Variants in KLHL22 observed in about 807,000 individuals in gnomAD.
The protein encoded by KLHL22 is kelch like family member 22.
KLHL22 carries 18 observed loss-of-function variants against 60.7 expected under a neutral mutation model. The observed-to-expected ratio is 0.30, with a 90% CI of 0.20 to 0.44. The LOEUF (loss-of-function observed/expected upper bound fraction) is 0.44, where lower values mean the gene tolerates loss of function less well. Ranked by LOEUF, KLHL22 falls within the 20% of genes least tolerant of loss-of-function variation. KLHL22 has a pLI of 1.00. For missense variants in KLHL22, 596 were observed against 852.3 expected (o/e 0.70, Z 3.74); for synonymous variants, 355 against 354.5 (o/e 1.00, Z -0.01).
chr22:20,491,723 T>G (rs747206601), intron 1 of KLHL22: 7 of 152,096 alleles, frequency 4.6e-5, no homozygotes, highest in African/African-American at 1.4e-4. Context: ...AAATGAAAAA[T>G]ATATGCTGAT....
At chr22:20,483,723 A>T in intron 2 of KLHL22, 1 of 736,328 alleles carries the variant, frequency 1.4e-6, no homozygotes, top group South Asian at 1.3e-5. Flanking sequence ...TCTTGAAGTA[A>T]TGCCTCCAGT....
At chr22:20,478,506 T>TTC in intron 2 of KLHL22, among the ~76,000 whole-genome samples, 1 of 129,914 alleles carries the variant, frequency 7.7e-6, no homozygotes, top group African/African-American at 3.1e-5. Flanking sequence ...CCAAACTTAA[T>TTC]TCTTTTTTTT....
intron 6 of KLHL22, among the ~76,000 whole-genome samples, chr22:20,443,508 AG>A (rs1275155177): frequency 6.6e-6 from 1 of 152,010 alleles, no homozygotes; most frequent in Non-Finnish European, 1.5e-5. Flanking sequence ...TGGGAGGCCA[AG>A]GCGGGCTGAT....
chr22:20,465,648 G>A lies in KLHL22; in HGVS notation c.394-72C>T, dbSNP rs1004075469. The A allele has an allele frequency of 1.7e-5, 14 of 815,052 alleles. No individual in the cohort carries two copies. The highest frequency in any genetic ancestry group is 2.9e-5 in the Non-Finnish European group (13 of 455,198). The allele number at this position is 815,052 out of a possible 1,614,324, so 50.5% of individuals were successfully genotyped here. On this transcript the variant is annotated intron_variant, in intron 3 of 6. Transcript: ENST00000328879. The surrounding 1 kb of genome is among the most constrained non-coding windows in gnomAD (Gnocchi z 4.9). ...TCTGGGGGTGGGAGAGAGAATGATG[G>A]CAGAAATACGGGCTGTTGTGGGCCA...
At chr22:20,470,308 C>T (rs539260100) in intron 3 of KLHL22, among the ~76,000 whole-genome samples, 1 of 150,968 alleles carries the variant, frequency 6.6e-6, no homozygotes, top group Non-Finnish European at 1.5e-5. Context: ...ATGATCATGC[C>T]ATTGCATTAC....
chr22:20,489,310 G>GGCCA lies in KLHL22; in HGVS notation c.-33-70_-33-67dup, dbSNP rs897827899. The GGCCA allele has an allele frequency of 2.7e-5, 32 of 1,187,846 alleles. No individual in the cohort carries two copies. In the Admixed American group the frequency reaches 5.0e-4, roughly 19 times the overall value. The allele number at this position is 1,187,846 out of a possible 1,614,324, so 73.6% of individuals were successfully genotyped here. A position where few individuals can be genotyped will look rare whatever the true frequency, so the allele number is the denominator to read the frequency against. ...GCATCAGCCCCACCACACACAGACT[G>GGCCA]GCCAGCTCTGTTGCTCCCCTTGCTC... On this transcript the variant is annotated intron_variant, in intron 1 of 6. Coordinates refer to ENST00000328879, the MANE Select transcript of KLHL22 (RefSeq NM_032775.4).
At position 20,442,352 on chromosome 22, in the gene KLHL22, C is replaced by A; in HGVS notation, c.1626G>T (p.Leu542=). The A allele has an allele frequency of 6.2e-7, 1 of 1,613,898 alleles. No homozygotes were observed. The highest frequency in any genetic ancestry group is 2.2e-5 in the East Asian group (1 of 44,886). Residue 542 remains leucine, a synonymous_variant, in exon 7 of 7, where the codon CTG becomes CTT. Transcript: ENST00000328879. ...AGHGEPGIAV[L]DNRIYVLGGR... ...CACCTAACACATAGATCCTGTTGTC[C>A]AGCACAGCAATGCCAGGCTCACCGT...
chr22:20,493,519 C>T (rs879276578), intron 1 of KLHL22, among the ~76,000 whole-genome samples: 5 of 152,156 alleles, frequency 3.3e-5, no homozygotes, highest in Non-Finnish European at 5.9e-5. Flanking sequence ...CAGTGGCTCA[C>T]GCCTGTAATC....
intron 5 of KLHL22, among the ~76,000 whole-genome samples, chr22:20,454,721 G>A (rs576754849): frequency 1.5e-4 from 23 of 152,272 alleles, no homozygotes; most frequent in African/African-American, 5.3e-4. Context: ...ATTAATATAT[G>A]TATTATTAAT....
intron 1 of KLHL22, chr22:20,489,813 G>T (rs2053653240): frequency 2.1e-6 from 1 of 470,940 alleles, no homozygotes; most frequent in African/African-American, 2.0e-5. Flanking sequence ...TGGGAGGTGG[G>T]TGCCAAGGGG....
chr22:20,487,545 C>T (rs936004351), intron 2 of KLHL22, among the ~76,000 whole-genome samples: 3 of 151,994 alleles, frequency 2.0e-5, no homozygotes, highest in African/African-American at 4.8e-5. Context: ...TATACATACA[C>T]ACACACACCC....
chr22:20,482,684 T>C (rs2053522920), intron 2 of KLHL22: 1 of 552,582 alleles, frequency 1.8e-6, no homozygotes, highest in East Asian at 3.2e-5. Flanking sequence ...GCGGTACTTC[T>C]GCCTCAGCCT....
intron 2 of KLHL22, among the ~76,000 whole-genome samples, chr22:20,481,597 A>T (rs111410527): frequency 0.028 from 4,210 of 151,814 alleles, 91 homozygotes; most frequent in African/African-American, 0.043. Flanking sequence ...TTAAAAAAAA[A>T]TTTTTTTTTC....
intron 3 of KLHL22, among the ~76,000 whole-genome samples, chr22:20,470,701 T>C (rs2053303540): frequency 2.7e-5 from 4 of 150,012 alleles, no homozygotes. Flanking sequence ...GATGGATGGA[T>C]GGATGGATGG....
chr22:20,479,785 GA>G (rs1229340262), intron 2 of KLHL22, among the ~76,000 whole-genome samples: 1 of 152,190 alleles, frequency 6.6e-6, no homozygotes, highest in African/African-American at 2.4e-5. Context: ...TGGTGGGAAT[GA>G]AAAGTGGTGC....
At position 20,459,737 on chromosome 22, in the gene KLHL22, C is replaced by T. The variant is rs75408327; in HGVS notation, c.1113-1737G>A. 1.7e-3 allele frequency among the ~76,000 whole-genome samples: 254 copies of T among 152,316 alleles called. 1 individual carries two copies. The highest frequency in any genetic ancestry group is 5.9e-3 in the African/African-American group (245 of 41,570). On this transcript the variant is annotated intron_variant, in intron 4 of 6. Coordinates refer to ENST00000328879, the MANE Select transcript of KLHL22 (RefSeq NM_032775.4). ...ATGAATCATTCATTCACTCTACCAA[C>T]ATTCCCAGGTCTCCCACTGTGGATG...
rs956254605 is a variant in KLHL22 at position 20,479,108 on chromosome 22, G to A, written c.228-7593C>T. Among the ~76,000 whole-genome samples the A allele has an allele frequency of 7.3e-5, 11 of 151,188 alleles. No individual in the cohort carries two copies. In the East Asian group the frequency reaches 1.8e-3, roughly 25 times the overall value. ...GATGCCACTGCACTCCAGCCTGGGCGACAGAGTGAGATTCTGTCTCAAAAA... is the reference window on the plus strand; with the variant it reads ...GATGCCACTGCACTCCAGCCTGGGCAACAGAGTGAGATTCTGTCTCAAAAA... On this transcript the variant is annotated intron_variant, in intron 2 of 6. Transcript: ENST00000328879.
chr22:20,483,034 G>T, intron 2 of KLHL22: 1 of 671,834 alleles, frequency 1.5e-6, no homozygotes, highest in Non-Finnish European at 2.7e-6. Flanking sequence ...CCTAGGCCTG[G>T]CACTGTCCCT....
chr22:20,443,511 C>T lies in KLHL22; in HGVS notation c.1540-1073G>A, dbSNP rs535685823. 3.0e-4 allele frequency among the ~76,000 whole-genome samples: 44 copies of T among 149,042 alleles called. 1 individual carries two copies. In the South Asian group the frequency reaches 6.6e-3, roughly 22 times the overall value. On this transcript the variant is annotated intron_variant, in intron 6 of 6. Coordinates refer to ENST00000328879, the MANE Select transcript of KLHL22 (RefSeq NM_032775.4). ...ATCCCAGCACTTTGGGAGGCCAAGG[C>T]GGGCTGATCACAAGGTCAAGAGATC...
Sources: allele counts gnomAD v4.1 joint callset (sites outside exome capture counted in the v4.1 genomes callset), GRCh38; gene constraint gnomAD v4.1.1; non-coding constraint Gnocchi (gnomAD v3.1); transcripts MANE v1.5; gene names NCBI Gene and HGNC (gene_info 2026-07-23, HGNC 2026-07-21).